The following CNTNAP2 variants were observed in gnomAD, a reference collection of about 807,000 sequenced individuals.
The protein encoded by CNTNAP2 is contactin associated protein 2.
In CNTNAP2, 98 loss-of-function variants were observed where a neutral mutation model predicts 155.2. That is an observed-to-expected ratio of 0.63 (90% CI 0.54 to 0.75). The LOEUF (loss-of-function observed/expected upper bound fraction) is 0.75, where lower values mean the gene tolerates loss of function less well. CNTNAP2 is among the 30% of genes least tolerant of loss of function. The pLI, the probability that CNTNAP2 is intolerant of heterozygous loss-of-function variation, is 0.00. For synonymous variants in CNTNAP2, 651 were observed against 631.2 expected (o/e 1.03, Z -0.47); for missense variants, 1,727 against 1,688.1 (o/e 1.02, Z -0.40).
chr7:147,300,530 A>G (rs1008216394), intron 9 of CNTNAP2, among the ~76,000 whole-genome samples: 1 of 152,190 alleles, frequency 6.6e-6, no homozygotes, highest in Non-Finnish European at 1.5e-5. Flanking sequence ...ATTGAAGTAT[A>G]AAAAAGGAGA....
chr7:146,184,352 C>T (rs1279348576), intron 1 of CNTNAP2, among the ~76,000 whole-genome samples: 1 of 152,068 alleles, frequency 6.6e-6, no homozygotes, highest in African/African-American at 2.4e-5. Context: ...GGCAGGCAGT[C>T]CATGAGATAG....
At chr7:147,837,148 A>C (rs1195731346) in intron 13 of CNTNAP2, among the ~76,000 whole-genome samples, 1 of 152,154 alleles carries the variant, frequency 6.6e-6, no homozygotes, top group African/African-American at 2.4e-5. Flanking sequence ...CATATCCGAG[A>C]CTGGGCAATT....
At chr7:148,199,144 C>G (rs1187316616) in intron 18 of CNTNAP2, among the ~76,000 whole-genome samples, 2 of 152,188 alleles carry the variant, frequency 1.3e-5, no homozygotes, top group African/African-American at 4.8e-5. Flanking sequence ...AATGATCACT[C>G]TGGCTAAATT....
intron 15 of CNTNAP2, among the ~76,000 whole-genome samples, chr7:147,982,912 G>A (rs1213590968): frequency 6.6e-6 from 1 of 151,892 alleles, no homozygotes; most frequent in Non-Finnish European, 1.5e-5. Flanking sequence ...CAGCTACTCA[G>A]GAGGCTGAGG....
chr7:147,710,170 G>T (rs1796382055), intron 13 of CNTNAP2, among the ~76,000 whole-genome samples: 1 of 152,114 alleles, frequency 6.6e-6, no homozygotes, highest in Non-Finnish European at 1.5e-5. Context: ...CTGCATGTTG[G>T]AGTTCCTGTA....
chr7:146,796,562 A>G (rs1802772211), intron 2 of CNTNAP2, among the ~76,000 whole-genome samples: 1 of 152,098 alleles, frequency 6.6e-6, no homozygotes, highest in Admixed American at 6.5e-5. Context: ...AAGATAAAGA[A>G]GATCTAGCTT....
intron 1 of CNTNAP2, among the ~76,000 whole-genome samples, chr7:146,388,465 G>A (rs565443413): frequency 2.6e-5 from 4 of 151,928 alleles, no homozygotes; most frequent in Middle Eastern, 6.8e-3. Context: ...GTATATAGTA[G>A]GTGTATATAT....
At chr7:147,427,320 C>A (rs1229562908) in intron 10 of CNTNAP2, among the ~76,000 whole-genome samples, 1 of 152,082 alleles carries the variant, frequency 6.6e-6, no homozygotes, top group Non-Finnish European at 1.5e-5. Flanking sequence ...CACCATCATT[C>A]AAACCACTGC....
At chr7:147,794,748 A>T (rs547422692) in intron 13 of CNTNAP2, among the ~76,000 whole-genome samples, 6,836 of 146,552 alleles carry the variant, frequency 0.047, 458 homozygotes, top group African/African-American at 0.15. Context: ...TTTTTTTTTT[A>T]AAAACAATTA....
At chr7:147,896,180 A>G (rs1799773099) in intron 13 of CNTNAP2, among the ~76,000 whole-genome samples, 1 of 152,146 alleles carries the variant, frequency 6.6e-6, no homozygotes, top group African/African-American at 2.4e-5. Flanking sequence ...CTCCTTGCAC[A>G]TGGAGGAAAT....
At chr7:147,704,242 A>C (rs1796277116) in intron 13 of CNTNAP2, 1 of 152,960 alleles carries the variant, frequency 6.5e-6, no homozygotes, top group Non-Finnish European at 1.5e-5. Flanking sequence ...ATGCAGCTAA[A>C]TCGGAAATTT....
chr7:146,630,451 C>A (rs1313040231), intron 1 of CNTNAP2, among the ~76,000 whole-genome samples: 33 of 151,928 alleles, frequency 2.2e-4, no homozygotes, highest in Non-Finnish European at 1.6e-4. Flanking sequence ...CATGTGTGTG[C>A]ATGTGTCTTT....
At chr7:148,385,681 G>A (rs1452420922) in intron 22 of CNTNAP2, among the ~76,000 whole-genome samples, 1 of 151,538 alleles carries the variant, frequency 6.6e-6, no homozygotes, top group East Asian at 1.9e-4. Context: ...TGACTGTAGG[G>A]ACCAAAGAGT....
chr7:147,917,039 C>T (rs1366158844), intron 14 of CNTNAP2, among the ~76,000 whole-genome samples: 1 of 152,200 alleles, frequency 6.6e-6, no homozygotes, highest in Non-Finnish European at 1.5e-5. Flanking sequence ...GTGACCATGG[C>T]CTTTCTCCTA....
At chr7:147,651,213 G>A (rs935240472) in intron 13 of CNTNAP2, among the ~76,000 whole-genome samples, 4 of 152,150 alleles carry the variant, frequency 2.6e-5, no homozygotes, top group Non-Finnish European at 5.9e-5. Context: ...CTATCAGGAA[G>A]GAAAGGCTGG....
At chr7:148,395,341 C>T (rs570705489) in intron 22 of CNTNAP2, among the ~76,000 whole-genome samples, 5 of 151,838 alleles carry the variant, frequency 3.3e-5, no homozygotes, top group Non-Finnish European at 5.9e-5. Context: ...GAATGTGAAC[C>T]GAAGTCAACA....
chr7:146,232,346 T>C (rs1799400321), intron 1 of CNTNAP2, among the ~76,000 whole-genome samples: 1 of 151,696 alleles, frequency 6.6e-6, no homozygotes, highest in Admixed American at 6.6e-5. Flanking sequence ...TATCAGCCTA[T>C]ATTTTTCATG....
At chr7:147,912,798 AG>A (rs1800089267) in intron 14 of CNTNAP2, among the ~76,000 whole-genome samples, 2 of 152,176 alleles carry the variant, frequency 1.3e-5, no homozygotes, top group Non-Finnish European at 2.9e-5. Context: ...CAGTTCCTAC[AG>A]GAGGAACATT....
At chr7:146,621,518 G>A (rs756702817) in intron 1 of CNTNAP2, among the ~76,000 whole-genome samples, 2 of 152,116 alleles carry the variant, frequency 1.3e-5, no homozygotes, top group Non-Finnish European at 2.9e-5. Flanking sequence ...TAATGACTTT[G>A]ACAGTTTTGA....
Sources: gnomAD v4.1 joint callset for allele counts (sites outside exome capture counted in the v4.1 genomes callset) on GRCh38, gnomAD v4.1.1 for gene constraint, MANE v1.5 for transcripts, NCBI Gene and HGNC (gene_info 2026-07-23, HGNC 2026-07-21) for gene names.